Variants in DLGAP1 observed in about 807,000 individuals in gnomAD.
DLGAP1 encodes DLG associated protein 1, also known as disks large-associated protein 1.
DLGAP1 carries 11 observed loss-of-function variants against 90.8 expected under a neutral mutation model. The ratio of observed to expected loss-of-function variants is 0.12; its 90% CI spans 0.08 to 0.20. The LOEUF (loss-of-function observed/expected upper bound fraction) is 0.20. Ranked by LOEUF, DLGAP1 falls within the 10% of genes least tolerant of loss-of-function variation. The pLI is 1.00. For synonymous variants in DLGAP1, 558 were observed against 540.7 expected (o/e 1.03, Z -0.44); for missense variants, 1,050 against 1,333.8 (o/e 0.79, Z 3.31).
intron 1 of DLGAP1, among the ~76,000 whole-genome samples, chr18:4,276,023 G>T (rs2079404420): frequency 6.6e-6 from 1 of 151,728 alleles, no homozygotes. Context: ...GCAGAAAAAA[G>T]AGAGAGGACT....
At chr18:3,762,846 TCAGA>T (rs1442475504) in intron 5 of DLGAP1, among the ~76,000 whole-genome samples, 1 of 152,200 alleles carries the variant, frequency 6.6e-6, no homozygotes, top group African/African-American at 2.4e-5. Context: ...TTTTCTAAAG[TCAGA>T]CAAATTGTTA....
intron 6 of DLGAP1, among the ~76,000 whole-genome samples, chr18:3,737,622 T>C (rs1166638154): frequency 6.7e-6 from 1 of 149,146 alleles, no homozygotes; most frequent in Non-Finnish European, 1.5e-5. Flanking sequence ...TGGGATGTAT[T>C]TCAAAATAAT....
intron 7 of DLGAP1, among the ~76,000 whole-genome samples, chr18:3,585,805 GT>G (rs2055844410): frequency 1.3e-5 from 2 of 152,010 alleles, no homozygotes; most frequent in Admixed American, 1.3e-4. Flanking sequence ...AAACCAAACA[GT>G]CCCCCTCCAA....
intron 2 of DLGAP1, among the ~76,000 whole-genome samples, chr18:4,016,234 CTTCA>C (rs2074521461): frequency 6.6e-6 from 1 of 152,200 alleles, no homozygotes; most frequent in African/African-American, 2.4e-5. Context: ...CTACAGTGGT[CTTCA>C]GAGTTGTTCA....
intron 7 of DLGAP1, among the ~76,000 whole-genome samples, chr18:3,638,756 T>C (rs2058815711): frequency 6.6e-6 from 1 of 152,220 alleles, no homozygotes; most frequent in South Asian, 2.1e-4. Context: ...CTTTCTGTTT[T>C]TAACATCAGG....
intron 1 of DLGAP1, among the ~76,000 whole-genome samples, chr18:4,348,400 A>ATGTG (rs71160958): frequency 0.013 from 1,731 of 133,506 alleles, 33 homozygotes; most frequent in African/African-American, 0.041. Flanking sequence ...GAACTCAGGA[A>ATGTG]TGTGTGTGTG....
intron 7 of DLGAP1, among the ~76,000 whole-genome samples, chr18:3,672,356 T>C (rs963166407): frequency 1.3e-5 from 2 of 151,982 alleles, no homozygotes; most frequent in African/African-American, 4.8e-5. Flanking sequence ...GGAGGGCGGA[T>C]CACCTGAGGT....
chr18:4,120,230 G>A (rs756989755), intron 2 of DLGAP1, among the ~76,000 whole-genome samples: 15 of 152,164 alleles, frequency 9.9e-5, no homozygotes, highest in Non-Finnish European at 2.2e-4. Flanking sequence ...GTTAGCAACT[G>A]TTAAAAAAAG....
rs146087762 is a variant in DLGAP1, at chr18:4,381,107, C to T, written c.-267+73899G>A. 6.9e-4 allele frequency among the ~76,000 whole-genome samples: 105 copies of T among 152,218 alleles called. 2 individuals carry two copies. Among genetic ancestry groups the T allele is most frequent in the African/African-American group, 2.2e-3 (91 of 41,552 alleles). On this transcript the variant is annotated intron_variant, in intron 1 of 12. Transcript: ENST00000315677. ...TTAACACTATATATTTTATAGTTAA[C>T]GATTCAAAATGGTTGAAATAGAGAT...
At chr18:4,090,515 A>G (rs1211022090) in intron 2 of DLGAP1, among the ~76,000 whole-genome samples, 1 of 152,270 alleles carries the variant, frequency 6.6e-6, no homozygotes, top group Non-Finnish European at 1.5e-5. Context: ...CCTGTTCATT[A>G]GAGAAATGCA....
intron 1 of DLGAP1, among the ~76,000 whole-genome samples, chr18:4,321,987 C>A (rs1012124629): frequency 4.0e-5 from 6 of 151,718 alleles, no homozygotes; most frequent in African/African-American, 1.5e-4. Flanking sequence ...CACATGAGGT[C>A]TCAGGAGTTC....
chr18:4,160,604 G>T (rs993208029), intron 1 of DLGAP1, among the ~76,000 whole-genome samples: 6 of 152,124 alleles, frequency 3.9e-5, no homozygotes, highest in South Asian at 2.1e-4. Context: ...GAGATGCAGA[G>T]ATATTAAGAA....
At chr18:4,363,571 C>T (rs1361523974) in intron 1 of DLGAP1, among the ~76,000 whole-genome samples, 1 of 152,076 alleles carries the variant, frequency 6.6e-6, no homozygotes, top group Non-Finnish European at 1.5e-5. Flanking sequence ...AAAAAACAAA[C>T]AACCCCATCA....
At chr18:4,411,209 G>A (rs970818312) in intron 1 of DLGAP1, among the ~76,000 whole-genome samples, 2 of 152,024 alleles carry the variant, frequency 1.3e-5, no homozygotes, top group South Asian at 4.2e-4. Context: ...CTGTTTCCTG[G>A]AGAACTCAAG....
intron 1 of DLGAP1, among the ~76,000 whole-genome samples, chr18:4,190,078 A>G (rs1415812714): frequency 6.6e-6 from 1 of 152,154 alleles, no homozygotes; most frequent in African/African-American, 2.4e-5. Flanking sequence ...TTATGTCCAC[A>G]CAAAAACCTG....
intron 7 of DLGAP1, among the ~76,000 whole-genome samples, chr18:3,722,932 C>T (rs887736697): frequency 2.6e-4 from 39 of 152,226 alleles, no homozygotes; most frequent in African/African-American, 8.4e-4. Flanking sequence ...TTTGTAGAGC[C>T]GGGCACCGAA....
At chr18:3,710,058 G>A (rs1364511712) in intron 7 of DLGAP1, among the ~76,000 whole-genome samples, 1 of 152,172 alleles carries the variant, frequency 6.6e-6, no homozygotes, top group African/African-American at 2.4e-5. Flanking sequence ...TTTCTGTAGT[G>A]GAGGAAGTGA....
At chr18:3,691,491 C>CT (rs1322489518) in intron 7 of DLGAP1, among the ~76,000 whole-genome samples, 1 of 151,366 alleles carries the variant, frequency 6.6e-6, no homozygotes, top group Non-Finnish European at 1.5e-5. Context: ...AGCAAGTAAG[C>CT]TTTTTTATTA....
chr18:4,009,085 T>C lies in DLGAP1; in HGVS notation c.-158-3884A>G, dbSNP rs188600609. Reference sequence around the variant, plus strand: ...ATGCCCGGCTAATTTTTTATATTTTTAGTAGAACGGGGTTTCACCATGTTA... The same window carrying C: ...ATGCCCGGCTAATTTTTTATATTTTCAGTAGAACGGGGTTTCACCATGTTA... On this transcript the variant is annotated intron_variant, in intron 2 of 12. Transcript: ENST00000315677. Among the ~76,000 whole-genome samples the C allele has an allele frequency of 2.2e-3, 332 of 152,312 alleles. 1 individual carries two copies. The highest frequency in any genetic ancestry group is 7.7e-3 in the African/African-American group (318 of 41,564).
Sources: allele counts gnomAD v4.1 joint callset (sites outside exome capture counted in the v4.1 genomes callset), GRCh38; gene constraint gnomAD v4.1.1; transcripts MANE v1.5; gene names NCBI Gene and HGNC (gene_info 2026-07-23, HGNC 2026-07-21).